Variants in GALNT13 observed in about 807,000 individuals in gnomAD.
GALNT13 encodes the protein UDP-GalNAc:polypeptide N-acetylgalactosaminyltransferase 13.
GALNT13 carries 28 observed loss-of-function variants against 64.2 expected under a neutral mutation model. The observed-to-expected ratio is 0.44, with a 90% CI of 0.32 to 0.60. The LOEUF (loss-of-function observed/expected upper bound fraction) is 0.60, where lower values mean the gene tolerates loss of function less well. GALNT13 is among the 20% of genes least tolerant of loss of function. GALNT13 has a pLI of 0.05. For missense variants in GALNT13, 577 were observed against 669.8 expected (o/e 0.86, Z 1.53); for synonymous variants, 214 against 224.6 (o/e 0.95, Z 0.42).
At chr2:154,332,395 T>C (rs550199590) in intron 9 of GALNT13, among the ~76,000 whole-genome samples, 1 of 152,150 alleles carries the variant, frequency 6.6e-6, no homozygotes, top group African/African-American at 2.4e-5. Context: ...ATCTGTAAAA[T>C]GGGAACTGAT....
chr2:153,838,796 AT>A, the GALNT13 span, among the ~76,000 whole-genome samples: 1 of 151,480 alleles, frequency 6.6e-6, no homozygotes, highest in Non-Finnish European at 1.5e-5. Flanking sequence ...AAATTTTAGG[AT>A]TTTTTTTCTA....
chr2:153,160,309 G>A, the GALNT13 span, among the ~76,000 whole-genome samples: 1 of 152,202 alleles, frequency 6.6e-6, no homozygotes, highest in Non-Finnish European at 1.5e-5. Flanking sequence ...GATCAGCAGG[G>A]TCGCATATTC....
chr2:153,177,488 A>T, the GALNT13 span, among the ~76,000 whole-genome samples: 2 of 152,118 alleles, frequency 1.3e-5, no homozygotes, highest in Non-Finnish European at 2.9e-5. Context: ...AGATGGATTA[A>T]TACCTTAGTT....
intron 9 of GALNT13, among the ~76,000 whole-genome samples, chr2:154,360,059 A>C (rs2105282205): frequency 6.6e-6 from 1 of 152,248 alleles, no homozygotes; most frequent in Admixed American, 6.5e-5. Flanking sequence ...GTCCTGGAAA[A>C]ATGTTTGACA....
chr2:153,240,614 G>A, the GALNT13 span, among the ~76,000 whole-genome samples: 4 of 152,114 alleles, frequency 2.6e-5, no homozygotes, highest in African/African-American at 9.7e-5. Flanking sequence ...AAATAGACCT[G>A]GGGAGACATC....
intron 2 of GALNT13, among the ~76,000 whole-genome samples, chr2:153,931,106 T>C (rs963566863): frequency 6.8e-6 from 1 of 147,690 alleles, no homozygotes; most frequent in Non-Finnish European, 1.5e-5. Flanking sequence ...TGTGTGTGTC[T>C]ATTGTGAATG....
At chr2:154,234,286 T>C (rs1011452585) in intron 4 of GALNT13, among the ~76,000 whole-genome samples, 1 of 152,208 alleles carries the variant, frequency 6.6e-6, no homozygotes, top group Non-Finnish European at 1.5e-5. Context: ...CAGTGCTTCA[T>C]ATTATAAGAA....
the GALNT13 span, among the ~76,000 whole-genome samples, chr2:153,695,923 G>T: frequency 1.3e-5 from 2 of 152,098 alleles, no homozygotes; most frequent in African/African-American, 4.8e-5. Context: ...AAAACCCCCA[G>T]TGGATGCCTG....
the GALNT13 span, among the ~76,000 whole-genome samples, chr2:153,602,440 T>G: frequency 2.0e-5 from 3 of 151,642 alleles, no homozygotes; most frequent in South Asian, 2.1e-4. Flanking sequence ...GGCAGGTGGT[T>G]AATTTTAACT....
At chr2:153,539,857 G>A in the GALNT13 span, among the ~76,000 whole-genome samples, 1 of 152,136 alleles carries the variant, frequency 6.6e-6, no homozygotes, top group Non-Finnish European at 1.5e-5. Context: ...TTTGGCTTAG[G>A]ATTGTCAGGC....
At chr2:153,549,240 A>G in the GALNT13 span, among the ~76,000 whole-genome samples, 1 of 152,210 alleles carries the variant, frequency 6.6e-6, no homozygotes, top group Non-Finnish European at 1.5e-5. Flanking sequence ...CACACGTTAA[A>G]ATGGGAATTT....
chr2:153,309,148 A>G, the GALNT13 span, among the ~76,000 whole-genome samples: 5 of 152,144 alleles, frequency 3.3e-5, no homozygotes, highest in Admixed American at 6.5e-5. Flanking sequence ...ATCAGAGATA[A>G]CATGGAAAAC....
the GALNT13 span, among the ~76,000 whole-genome samples, chr2:153,729,570 G>C: frequency 5.3e-5 from 8 of 151,916 alleles, no homozygotes; most frequent in African/African-American, 1.7e-4. Flanking sequence ...TTTGATGTAA[G>C]GGTTCGAGTC....
chr2:153,652,546 C>T, the GALNT13 span, among the ~76,000 whole-genome samples: 65 of 152,050 alleles, frequency 4.3e-4, no homozygotes, highest in African/African-American at 1.4e-3. Context: ...ACCCAGGAGG[C>T]GGAGGTTGCA....
At chr2:153,872,433 G>A (rs118051347) in intron 1 of GALNT13, 130 bp downstream of exon 1, 7,330 of 151,204 alleles carry the variant, frequency 0.048, 235 homozygotes, top group East Asian at 0.12. Context: ...GGAGCCGAGC[G>A]CCCCGGGCCG....
chr2:153,345,662 T>TCTTTCTTC, the GALNT13 span, among the ~76,000 whole-genome samples: 71 of 141,682 alleles, frequency 5.0e-4, 2 homozygotes, highest in African/African-American at 1.9e-3. Context: ...TTTCTTTCTT[T>TCTTTCTTC]CTTTCTTTCT....
chr2:154,088,373 A>T (rs949153182), intron 3 of GALNT13, among the ~76,000 whole-genome samples: 1 of 152,192 alleles, frequency 6.6e-6, no homozygotes, highest in Non-Finnish European at 1.5e-5. Flanking sequence ...ATGTTTGTAC[A>T]TGCTTTTTGG....
chr2:153,291,437 G>A, the GALNT13 span, among the ~76,000 whole-genome samples: 1 of 152,148 alleles, frequency 6.6e-6, no homozygotes, highest in Non-Finnish European at 1.5e-5. Context: ...GGATCACATA[G>A]TGGAATACAA....
At chr2:153,719,266 A>G in the GALNT13 span, among the ~76,000 whole-genome samples, 1 of 151,808 alleles carries the variant, frequency 6.6e-6, no homozygotes, top group African/African-American at 2.4e-5. Flanking sequence ...TTCCTACTAC[A>G]TAAAGATACT....
Sources: gnomAD v4.1 joint callset for allele counts (sites outside exome capture counted in the v4.1 genomes callset) on GRCh38, gnomAD v4.1.1 for gene constraint, MANE v1.5 for transcripts, NCBI Gene and HGNC (gene_info 2026-07-23, HGNC 2026-07-21) for gene names.